UPF2: variants seen among roughly 807,000 people sequenced by gnomAD.
UPF2 encodes regulator of nonsense transcripts 2.
A neutral mutation model predicts 141.4 loss-of-function variants in UPF2; 17 were observed. That is an observed-to-expected ratio of 0.12 (90% CI 0.08 to 0.18). UPF2 has a LOEUF of 0.18. Ranked by LOEUF, UPF2 falls within the 10% of genes least tolerant of loss-of-function variation. The pLI is 1.00. For missense variants in UPF2, 1,152 were observed against 1,515.9 expected (o/e 0.76, Z 3.99); for synonymous variants, 540 against 498.0 (o/e 1.08, Z -1.12).
At chr10:11,944,919 G>T (rs1386695790) in intron 16 of UPF2, among the ~76,000 whole-genome samples, 2 of 152,160 alleles carry the variant, frequency 1.3e-5, no homozygotes, top group Non-Finnish European at 2.9e-5. Context: ...TCAAATACCG[G>T]CTCTGCCATC....
Position 11,922,704 on chromosome 10 carries a change from T to A in UPF2, c.3810-1397A>T, listed in dbSNP as rs151130468. The stretch of plus-strand genomic sequence containing the variant: ...TTATTAATACAATATACACTTTGGA[T>A]TAAATGCAATTCTACAATGGACTCT... On this transcript the variant is annotated intron_variant, in intron 21 of 21. Transcript: ENST00000357604. 8.3e-4 allele frequency among the ~76,000 whole-genome samples: 127 copies of A among 152,270 alleles called. 1 individual carries two copies. Among genetic ancestry groups the A allele is most frequent in the African/African-American group, 2.9e-3 (122 of 41,554 alleles).
intron 16 of UPF2, among the ~76,000 whole-genome samples, chr10:11,947,288 C>T (rs1409049680): frequency 6.6e-6 from 1 of 152,100 alleles, no homozygotes; most frequent in African/African-American, 2.4e-5. Context: ...AGTACAAGAA[C>T]AATTTCATAT....
At position 11,963,654 on chromosome 10, in the gene UPF2, C is replaced by T. The variant is rs555136513; in HGVS notation, c.2184+355G>A. ...TTACATTTTATGTGCTTACATGACACATGAATAATGGTTTGAGATGCACCA... is the reference window on the plus strand; with the variant it reads ...TTACATTTTATGTGCTTACATGACATATGAATAATGGTTTGAGATGCACCA... On this transcript the variant is annotated intron_variant, in intron 11 of 21. Coordinates refer to ENST00000357604, the MANE Select transcript of UPF2 (RefSeq NM_015542.4). Among the ~76,000 whole-genome samples the T allele has an allele frequency of 4.1e-4, 63 of 152,292 alleles. 1 individual carries two copies. The South Asian group carries it at 8.3e-3, about 20-fold the overall frequency.
chr10:12,036,894 G>T (rs1381312400), intron 1 of UPF2, among the ~76,000 whole-genome samples: 1 of 152,050 alleles, frequency 6.6e-6, no homozygotes, highest in African/African-American at 2.4e-5. Context: ...GTATGGTGGC[G>T]CATGCCTGTA....
At chr10:12,023,591 G>A (rs1479474868) in intron 3 of UPF2, among the ~76,000 whole-genome samples, 1 of 151,750 alleles carries the variant, frequency 6.6e-6, no homozygotes, top group Non-Finnish European at 1.5e-5. Flanking sequence ...TCGGGAGGCT[G>A]AGGCAAGGGA....
intron 2 of UPF2, among the ~76,000 whole-genome samples, chr10:12,034,230 A>G (rs1165197119): frequency 3.3e-5 from 5 of 152,350 alleles, no homozygotes; most frequent in Middle Eastern, 3.4e-3. Context: ...CCTGATAGAT[A>G]AGAACTCAAC....
intron 4 of UPF2, 63 bp from the exon 5 acceptor site, chr10:12,004,790 A>T (rs532301122): frequency 2.0e-6 from 3 of 1,507,850 alleles, no homozygotes; most frequent in Non-Finnish European, 2.7e-6. Flanking sequence ...TAAACATGAC[A>T]TAAGTTATTT....
In UPF2 at chr10:11,985,578, G is replaced by A. The variant is rs564546913; in HGVS notation, c.1845-6413C>T. ...CGTGAACCCGGGAGGCGGAGCTTGC[G>A]CCACTGCACTCCAGCCTGGGCGACA... On this transcript the variant is annotated intron_variant, in intron 8 of 21. Transcript: ENST00000357604. 1.3e-3 allele frequency among the ~76,000 whole-genome samples: 189 copies of A among 146,188 alleles called. 1 individual carries two copies. The highest frequency in any genetic ancestry group is 3.8e-3 in the Middle Eastern group (1 of 266).
chr10:12,034,853 A>G (rs1357456978), intron 2 of UPF2, among the ~76,000 whole-genome samples: 1 of 152,200 alleles, frequency 6.6e-6, no homozygotes, highest in Non-Finnish European at 1.5e-5. Flanking sequence ...AGTACTCATT[A>G]AAGATTGTTA....
chr10:11,991,778 T>C (rs889165848), intron 8 of UPF2, among the ~76,000 whole-genome samples: 2 of 152,214 alleles, frequency 1.3e-5, no homozygotes, highest in Admixed American at 1.3e-4. Context: ...TCAAGTAACA[T>C]AGCCCCAATT....
chr10:12,000,107 C>A, intron 6 of UPF2, 98 bp from the exon 7 acceptor site: 2 of 993,716 alleles, frequency 2.0e-6, no homozygotes, highest in African/African-American at 1.7e-5. Context: ...TAATCTAGAC[C>A]AATTTTTGTG....
intron 16 of UPF2, among the ~76,000 whole-genome samples, chr10:11,947,967 G>T (rs938822794): frequency 4.6e-5 from 7 of 151,892 alleles, no homozygotes; most frequent in Non-Finnish European, 8.8e-5. Flanking sequence ...TAAGGAGGAG[G>T]CCAGGTGCGG....
At chr10:11,937,574 G>A (rs1290321142) in intron 18 of UPF2, among the ~76,000 whole-genome samples, 1 of 152,208 alleles carries the variant, frequency 6.6e-6, no homozygotes, top group Non-Finnish European at 1.5e-5. Flanking sequence ...CGAGGCAGGG[G>A]AAGAACAGGT....
In UPF2 at chr10:11,951,656, C is replaced by T. The variant is rs565295448; in HGVS notation, c.3034+410G>A. The stretch of plus-strand genomic sequence containing the variant: ...GTAGGGTAGAGTTCCAAACTTCTGA[C>T]AGGTACTCCCTTCTACAGTTTCTTT... On this transcript the variant is annotated intron_variant, in intron 15 of 21. Transcript: ENST00000357604. Among the ~76,000 whole-genome samples the T allele has an allele frequency of 2.6e-5, 4 of 152,312 alleles. No homozygotes were observed. In the East Asian group the frequency reaches 7.7e-4, roughly 29 times the overall value.
rs759272817 is a variant in UPF2 at position 11,931,152 on chromosome 10, T to C, written c.3688+489A>G. Among the ~76,000 whole-genome samples the C allele has an allele frequency of 1.2e-4, 19 of 152,182 alleles. No individual in the cohort carries two copies. The highest frequency in any genetic ancestry group is 2.4e-4 in the Non-Finnish European group (16 of 68,028). ...AATACAGTCGTGTGCCGCGTGACCA[T>C]GTTCCAGACAATGACAGACACCTAT... is the stretch of plus-strand genomic sequence containing the variant. On this transcript the variant is annotated intron_variant, in intron 20 of 21. Transcript: ENST00000357604. This position sits in a 1 kb window ranked among gnomAD's most constrained non-coding sequence, Gnocchi z 5.9.
chr10:11,989,032 G>T (rs537829951), intron 8 of UPF2, among the ~76,000 whole-genome samples: 3 of 152,082 alleles, frequency 2.0e-5, no homozygotes, highest in African/African-American at 4.8e-5. Flanking sequence ...AATGCACCTG[G>T]AAGTGAAGGA....
In UPF2 at chr10:12,016,731, T is replaced by A. The variant is rs1250177566; in HGVS notation, c.1146-2547A>T. Reference sequence around the variant, plus strand: ...AAGAAGTAAGTTACTTAAAAATATCTGCAATGTAGGGCCGGGCACGGTGGT... The same window carrying A: ...AAGAAGTAAGTTACTTAAAAATATCAGCAATGTAGGGCCGGGCACGGTGGT... On this transcript the variant is annotated intron_variant, in intron 3 of 21. Transcript: ENST00000357604. This position sits in a 1 kb window ranked among gnomAD's most constrained non-coding sequence, Gnocchi z 4.1. 6.9e-6 allele frequency among the ~76,000 whole-genome samples: 1 copy of A among 144,180 alleles called. No individual in the cohort carries two copies. The highest frequency in any genetic ancestry group is 2.6e-5 in the African/African-American group (1 of 38,610). 94.6% of individuals were successfully genotyped at this position (144,180 alleles called of 152,430 possible).
intron 9 of UPF2, among the ~76,000 whole-genome samples, chr10:11,971,488 G>A (rs1833417208): frequency 6.6e-6 from 1 of 152,102 alleles, no homozygotes; most frequent in Admixed American, 6.5e-5. Context: ...CTGACCTCAG[G>A]TGATCCGCCC....
In UPF2 at chr10:12,016,267, T is replaced by G. The variant is rs753667299; in HGVS notation, c.1146-2083A>C. Among the ~76,000 whole-genome samples the G allele has an allele frequency of 6.6e-6, 1 of 152,176 alleles. No homozygotes were observed. Among genetic ancestry groups the G allele is most frequent in the Non-Finnish European group, 1.5e-5 (1 of 68,022 alleles). Reference sequence around the variant, plus strand: ...TTGTAGAGACGGGAGTCTGGCTATGTTGGCCAAGCTGGTCTCAAACTCCTG... The same window carrying G: ...TTGTAGAGACGGGAGTCTGGCTATGGTGGCCAAGCTGGTCTCAAACTCCTG... On this transcript the variant is annotated intron_variant, in intron 3 of 21. Coordinates refer to ENST00000357604, the MANE Select transcript of UPF2 (RefSeq NM_015542.4). The surrounding 1 kb of genome is among the most constrained non-coding windows in gnomAD (Gnocchi z 4.1).
Sources: allele counts gnomAD v4.1 joint callset (sites outside exome capture counted in the v4.1 genomes callset), GRCh38; gene constraint gnomAD v4.1.1; non-coding constraint Gnocchi (gnomAD v3.1); transcripts MANE v1.5; gene names NCBI Gene and HGNC (gene_info 2026-07-23, HGNC 2026-07-21).